The following HMGB1 variants were observed in gnomAD, a reference collection of about 807,000 sequenced individuals.
HMGB1 encodes high mobility group protein B1.
For missense variants in HMGB1, 79 were observed against 253.5 expected, an observed-to-expected ratio of 0.31 and a Z score of 4.67; for synonymous variants, 81 against 84.0, an observed-to-expected ratio of 0.96 and a Z score of 0.19.
chr13:30,578,400 C>G (rs1208933151), intron 1 of HMGB1, among the ~76,000 whole-genome samples: 30 of 55,968 alleles, frequency 5.4e-4, no homozygotes, highest in Non-Finnish European at 9.4e-4. Context: ...TTTTTTGTAT[C>G]ACAGTGTTTA....
intron 1 of HMGB1, among the ~76,000 whole-genome samples, chr13:30,496,770 A>C (rs1378040009): frequency 6.6e-6 from 1 of 152,192 alleles, no homozygotes; most frequent in East Asian, 1.9e-4. Context: ...TAAGAGGATA[A>C]GACTCAGTTG....
intron 1 of HMGB1, among the ~76,000 whole-genome samples, chr13:30,583,328 C>G (rs940806525): frequency 6.6e-6 from 1 of 151,866 alleles, no homozygotes; most frequent in Non-Finnish European, 1.5e-5. Flanking sequence ...AGGCCAGGAG[C>G]TCAACATCAG....
intron 1 of HMGB1, among the ~76,000 whole-genome samples, chr13:30,477,830 T>C (rs974941616): frequency 4.6e-5 from 7 of 152,220 alleles, no homozygotes; most frequent in Non-Finnish European, 8.8e-5. Context: ...AGCCTTACCA[T>C]CCAAGTTACC....
In HMGB1 at chr13:30,463,320, T is replaced by C; in HGVS notation, c.183A>G (p.Glu61=). 1 of 1,608,726 alleles carries C rather than the reference T, an allele frequency of 6.2e-7. No homozygotes were observed. Among genetic ancestry groups the C allele is most frequent in the Non-Finnish European group, 8.5e-7 (1 of 1,178,838 alleles). The part of the protein sequence containing the change: ...TMSAKEKGKF[E]DMAKADKARY... ...GGGCCTTGTCCGCTTTTGCCATATC[T>C]TCAAATTTTCCTTTCTCTTTAGCAG... The change falls in exon 3 of 5, where the codon GAA becomes GAG. Residue 61 remains glutamate (E), a synonymous_variant. Transcript: ENST00000341423.
intron 1 of HMGB1, among the ~76,000 whole-genome samples, chr13:30,593,966 A>C (rs760209177): frequency 1.3e-5 from 2 of 152,252 alleles, no homozygotes; most frequent in Non-Finnish European, 2.9e-5. Flanking sequence ...CTGGATTACA[A>C]TAGTAGAGTA....
intron 1 of HMGB1, among the ~76,000 whole-genome samples, chr13:30,546,519 T>G (rs978087004): frequency 6.6e-6 from 1 of 152,240 alleles, no homozygotes; most frequent in Non-Finnish European, 1.5e-5. Flanking sequence ...GGTCTTGCTC[T>G]GTTGTCCAAG....
chr13:30,519,778 T>C (rs1218206703), intron 1 of HMGB1, among the ~76,000 whole-genome samples: 1 of 152,158 alleles, frequency 6.6e-6, no homozygotes, highest in East Asian at 1.9e-4. Context: ...CCTCAAGAAC[T>C]ATCTTTCATA....
chr13:30,497,385 C>G (rs539805047), intron 1 of HMGB1, among the ~76,000 whole-genome samples: 1 of 152,112 alleles, frequency 6.6e-6, no homozygotes, highest in East Asian at 1.9e-4. Context: ...TGCCACTACA[C>G]CCAGCTAATT....
At chr13:30,561,390 G>A (rs1286126457) in intron 1 of HMGB1, among the ~76,000 whole-genome samples, 1 of 152,196 alleles carries the variant, frequency 6.6e-6, no homozygotes, top group African/African-American at 2.4e-5. Flanking sequence ...CAGACATTAA[G>A]TGGGGCTGTG....
At chr13:30,583,576 C>T (rs1042303307) in intron 1 of HMGB1, among the ~76,000 whole-genome samples, 2 of 149,540 alleles carry the variant, frequency 1.3e-5, no homozygotes, top group African/African-American at 2.5e-5. Flanking sequence ...TGGCTCACAC[C>T]TGTAATCCCA....
intron 1 of HMGB1, among the ~76,000 whole-genome samples, chr13:30,566,987 T>G (rs1249180851): frequency 6.6e-6 from 1 of 152,234 alleles, no homozygotes. Context: ...TTAAAAAAAT[T>G]TGTGCAATAC....
At chr13:30,492,165 TA>T (rs1275526384) in intron 1 of HMGB1, among the ~76,000 whole-genome samples, 460 of 135,544 alleles carry the variant, frequency 3.4e-3, no homozygotes, top group Admixed American at 3.7e-3. Flanking sequence ...AGACTCCCTC[TA>T]AAAAAAAAAA....
intron 1 of HMGB1, among the ~76,000 whole-genome samples, chr13:30,588,695 T>C (rs1370233912): frequency 6.6e-6 from 1 of 152,060 alleles, no homozygotes; most frequent in African/African-American, 2.4e-5. Flanking sequence ...GGTGGGTAGA[T>C]CACTTGAGGT....
At chr13:30,605,931 C>G (rs1233959571) in intron 1 of HMGB1, among the ~76,000 whole-genome samples, 1 of 152,120 alleles carries the variant, frequency 6.6e-6, no homozygotes, top group East Asian at 1.9e-4. Context: ...TAAAATAAGT[C>G]CATTCTCCTA....
intron 1 of HMGB1, among the ~76,000 whole-genome samples, chr13:30,545,302 G>C (rs921564519): frequency 5.3e-5 from 8 of 151,986 alleles, no homozygotes; most frequent in African/African-American, 1.7e-4. Context: ...TGCTAACTCT[G>C]TGTGAGGGTG....
intron 1 of HMGB1, among the ~76,000 whole-genome samples, chr13:30,571,387 C>T (rs539806379): frequency 3.2e-4 from 49 of 151,956 alleles, no homozygotes; most frequent in African/African-American, 1.0e-3. Flanking sequence ...CTCCGCCTCC[C>T]GGGTTCAGGT....
intron 1 of HMGB1, among the ~76,000 whole-genome samples, chr13:30,507,200 T>C (rs975675070): frequency 6.6e-6 from 1 of 152,180 alleles, no homozygotes; most frequent in Non-Finnish European, 1.5e-5. Context: ...TCTCTCCCTG[T>C]TGCCTGGAAT....
At chr13:30,500,802 C>A (rs1450559199) in intron 1 of HMGB1, among the ~76,000 whole-genome samples, 4 of 150,898 alleles carry the variant, frequency 2.7e-5, no homozygotes, top group South Asian at 4.2e-4. Context: ...TGGCTCACTG[C>A]AAGCTCCACC....
chr13:30,507,460 T>C lies in HMGB1; in HGVS notation c.-14-43766A>G, dbSNP rs138942878. 1.3e-3 allele frequency among the ~76,000 whole-genome samples: 204 copies of C among 152,354 alleles called. 2 individuals are homozygous for C. Among genetic ancestry groups the C allele is most frequent in the African/African-American group, 4.4e-3 (184 of 41,582 alleles). ...CACACTCTCTGGCACAAATGTTTGA[T>C]GAATGACTGAATGAGGGAACAAAGT... On this transcript the variant is annotated intron_variant, in intron 1 of 4. Transcript: ENST00000405805.
Sources: gnomAD v4.1 joint callset for allele counts (sites outside exome capture counted in the v4.1 genomes callset) on GRCh38, gnomAD v4.1.1 for gene constraint, MANE v1.5 for transcripts, NCBI Gene and HGNC (gene_info 2026-07-23, HGNC 2026-07-21) for gene names.